Variants in GTF2H3 observed in about 807,000 individuals in gnomAD.
The protein encoded by GTF2H3 is TFIIH basal transcription factor complex p34 subunit.
A neutral mutation model predicts 51.1 loss-of-function variants in GTF2H3; 42 were observed. The observed-to-expected ratio is 0.82, with a 90% confidence interval of 0.64 to 1.06. The LOEUF (loss-of-function observed/expected upper bound fraction) is 1.06. GTF2H3 is among the 50% of genes least tolerant of loss of function. GTF2H3 has a pLI of 0.00. For missense variants in GTF2H3, 326 were observed against 366.1 expected (o/e 0.89, Z 0.89); for synonymous variants, 123 against 123.8 (o/e 0.99, Z 0.04).
intron 9 of GTF2H3, among the ~76,000 whole-genome samples, chr12:123,657,468 C>T (rs1057028585): frequency 2.6e-5 from 4 of 152,210 alleles, no homozygotes; most frequent in Non-Finnish European, 4.4e-5. Flanking sequence ...TCTCTCTGCT[C>T]GCAAGCTCTT....
intron 2 of GTF2H3, among the ~76,000 whole-genome samples, chr12:123,644,676 A>C (rs1458601651): frequency 1.3e-5 from 2 of 152,114 alleles, no homozygotes; most frequent in African/African-American, 2.4e-5. Flanking sequence ...AAAAAAAAAA[A>C]AAGTTTTTAA....
chr12:123,655,100 A>G, intron 8 of GTF2H3, 102 bp downstream of exon 8: 2 of 861,498 alleles, frequency 2.3e-6, no homozygotes, highest in Non-Finnish European at 3.9e-6. Flanking sequence ...ACGTAGGCTT[A>G]TGAATGGGCA....
chr12:123,648,512 C>G (rs1955479647), intron 4 of GTF2H3: 2 of 156,020 alleles, frequency 1.3e-5, no homozygotes. Flanking sequence ...CTTTAATTAT[C>G]TTTTACATAT....
At chr12:123,639,979 C>T (rs978702731) in intron 2 of GTF2H3, 5 of 455,818 alleles carry the variant, frequency 1.1e-5, no homozygotes, top group Non-Finnish European at 1.8e-5. Flanking sequence ...ATGCCTCAGC[C>T]TCCCGAGTAC....
intron 1 of GTF2H3, among the ~76,000 whole-genome samples, chr12:123,636,511 C>G (rs566966111): frequency 6.6e-6 from 1 of 152,282 alleles, no homozygotes; most frequent in Admixed American, 6.6e-5. Flanking sequence ...CACGGCGGCA[C>G]ATGCCTGTAA....
intron 2 of GTF2H3, among the ~76,000 whole-genome samples, chr12:123,641,491 G>T (rs552151014): frequency 1.3e-5 from 2 of 150,952 alleles, no homozygotes; most frequent in South Asian, 2.1e-4. Context: ...CTCCCAAAGT[G>T]CTGGGGTTAC....
intron 5 of GTF2H3, 137 bp from the exon 6 acceptor site, chr12:123,652,395 C>T (rs1955530794): frequency 1.7e-6 from 1 of 586,850 alleles, no homozygotes; most frequent in Non-Finnish European, 3.0e-6. Context: ...GTGTATTTAT[C>T]TTGGTGAGTG....
chr12:123,659,436 G>A (rs1422468595), intron 9 of GTF2H3, 80 bp from the exon 10 acceptor site: 2 of 979,600 alleles, frequency 2.0e-6, no homozygotes, highest in Non-Finnish European at 3.3e-6. Context: ...GTAGGCCCAA[G>A]GCATTGCTCA....
At chr12:123,635,501 A>T (rs1955267612) in intron 1 of GTF2H3, among the ~76,000 whole-genome samples, 1 of 147,124 alleles carries the variant, frequency 6.8e-6, no homozygotes, top group South Asian at 2.2e-4. Flanking sequence ...TGAACCCAGG[A>T]GGCAGAGGTT....
chr12:123,652,614 A>G, intron 6 of GTF2H3, 53 bp downstream of exon 6: 1 of 1,499,380 alleles, frequency 6.7e-7, no homozygotes, highest in Non-Finnish European at 9.1e-7. Flanking sequence ...TTTTACTAGT[A>G]TTTCTTTACT....
At chr12:123,653,819 G>A (rs557819061) in intron 7 of GTF2H3, among the ~76,000 whole-genome samples, 3 of 152,182 alleles carry the variant, frequency 2.0e-5, no homozygotes, top group African/African-American at 7.2e-5. Flanking sequence ...GTGCATTTTG[G>A]TAATCTGTGT....
At chr12:123,654,796 C>A in intron 7 of GTF2H3, 128 bp from the exon 8 acceptor site, 1 of 694,272 alleles carries the variant, frequency 1.4e-6, no homozygotes, top group South Asian at 1.7e-5. Flanking sequence ...CTTTAGGTAT[C>A]ATTTAACAAT....
chr12:123,642,471 T>A (rs1201833382), intron 2 of GTF2H3, among the ~76,000 whole-genome samples: 2 of 152,120 alleles, frequency 1.3e-5, no homozygotes, highest in Non-Finnish European at 2.9e-5. Flanking sequence ...ACCTGGTCAA[T>A]CTCTTCTTAC....
chr12:123,641,515 G>A (rs964664527), intron 2 of GTF2H3, among the ~76,000 whole-genome samples: 2 of 149,020 alleles, frequency 1.3e-5, no homozygotes, highest in African/African-American at 2.5e-5. Context: ...CATGAGCCAC[G>A]TGTCTGCCCC....
chr12:123,645,615 C>G, intron 3 of GTF2H3, 54 bp downstream of exon 3: 1 of 927,660 alleles, frequency 1.1e-6, no homozygotes, highest in South Asian at 1.4e-5. Flanking sequence ...CATGAGTTTT[C>G]TGTGCCAGTT....
intron 3 of GTF2H3, among the ~76,000 whole-genome samples, chr12:123,646,129 A>G (rs1464619505): frequency 6.6e-6 from 1 of 152,212 alleles, no homozygotes; most frequent in Non-Finnish European, 1.5e-5. Flanking sequence ...CATAGCCTGC[A>G]GCTGATGTGT....
intron 9 of GTF2H3, among the ~76,000 whole-genome samples, chr12:123,657,427 GCTTCGGCCAGAGGGGCGCTGCA>G (rs1306316036): frequency 6.6e-6 from 1 of 152,190 alleles, no homozygotes; most frequent in Admixed American, 6.5e-5. Flanking sequence ...AAACAGGCCT[GCTTCGGCCAGAGGGGCGCTGCA>G]CTTTCTGTTC....
At position 123,648,124 on chromosome 12, in the gene GTF2H3, A is replaced by G; in HGVS notation, c.362A>G (p.Lys121Arg). 1 of 1,592,606 alleles carries G rather than the reference A, an allele frequency of 6.3e-7. No homozygotes were observed. The highest frequency in any genetic ancestry group is 8.6e-7 in the Non-Finnish European group (1 of 1,166,218). ...GAAGAGATTAAAGATCTAATGACCA[A>G]AAGTAACAACTTTTAAACATTGTTA... is the stretch of plus-strand genomic sequence containing the variant. Reference protein sequence around the residue: ...IVEEIKDLMTKSDIKGQHTET... With the variant: ...IVEEIKDLMTRSDIKGQHTET... The change falls in exon 4 of 13, where the codon AAA becomes AGA. Residue 121 changes from lysine to arginine, a missense_variant and splice_region_variant. Lys to Arg is a conservative substitution (Grantham distance 26). Coordinates refer to ENST00000543341, the MANE Select transcript of GTF2H3 (RefSeq NM_001516.5).
intron 3 of GTF2H3, among the ~76,000 whole-genome samples, chr12:123,647,555 C>T (rs1293434758): frequency 2.1e-4 from 32 of 151,888 alleles, no homozygotes; most frequent in Admixed American, 2.1e-3. Flanking sequence ...TAGATATGTA[C>T]CTCAAATAAT....
Sources: allele counts gnomAD v4.1 joint callset (sites outside exome capture counted in the v4.1 genomes callset), GRCh38; gene constraint gnomAD v4.1.1; transcripts MANE v1.5; gene names NCBI Gene and HGNC (gene_info 2026-07-23, HGNC 2026-07-21).